The following ANAPC5 variants were observed in gnomAD, a reference collection of about 807,000 sequenced individuals.
ANAPC5 encodes anaphase-promoting complex subunit 5.
Under a neutral mutation model 91.3 loss-of-function variants are expected in ANAPC5, and 60 were observed. That is an observed-to-expected ratio of 0.66 (90% CI 0.53 to 0.81). The LOEUF is 0.81. Among genes scored for constraint, ANAPC5 ranks in the 40% least tolerant of loss-of-function variants. The pLI is 0.00. For synonymous variants in ANAPC5, 340 were observed against 364.1 expected, an observed-to-expected ratio of 0.93 and a Z score of 0.75; for missense variants, 690 against 931.5, an observed-to-expected ratio of 0.74 and a Z score of 3.37.
chr12:121,323,839 G>A (rs1285107815), intron 11 of ANAPC5, among the ~76,000 whole-genome samples: 1 of 152,152 alleles, frequency 6.6e-6, no homozygotes, highest in East Asian at 1.9e-4. Flanking sequence ...TTTCATGACC[G>A]CCACAGGGAG....
intron 1 of ANAPC5, 139 bp downstream of exon 1, chr12:121,351,995 G>T: frequency 1.3e-6 from 1 of 795,272 alleles, no homozygotes; most frequent in Non-Finnish European, 1.9e-6. Context: ...ACCGGTAGTA[G>T]CTATCTTTAT....
intron 7 of ANAPC5, chr12:121,334,706 C>T (rs565697059): frequency 1.3e-5 from 2 of 152,298 alleles, no homozygotes; most frequent in Admixed American, 6.5e-5. Flanking sequence ...CTGAATTCTA[C>T]CTGAAAGCAA....
At chr12:121,317,394 C>T (rs1396969083) in intron 15 of ANAPC5, among the ~76,000 whole-genome samples, 6 of 151,818 alleles carry the variant, frequency 4.0e-5, no homozygotes, top group Non-Finnish European at 8.8e-5. Flanking sequence ...GCTGGGATTA[C>T]AGGCACGTGC....
chr12:121,335,770 T>C (rs1555273409), intron 6 of ANAPC5, 47 bp from the exon 7 acceptor site: 6 of 1,503,858 alleles, frequency 4.0e-6, no homozygotes, highest in Non-Finnish European at 5.5e-6. Flanking sequence ...TAAATATCTC[T>C]GGTGTAAGAC....
intron 9 of ANAPC5, 107 bp from the exon 10 acceptor site, chr12:121,328,604 C>G (rs1902908539): frequency 9.6e-7 from 1 of 1,038,486 alleles, no homozygotes; most frequent in Non-Finnish European, 1.4e-6. Flanking sequence ...TGCACAGTGA[C>G]AGCACTATTT....
chr12:121,326,110 G>A (rs188383048), intron 11 of ANAPC5, among the ~76,000 whole-genome samples: 20 of 152,294 alleles, frequency 1.3e-4, no homozygotes, highest in African/African-American at 3.6e-4. Context: ...CAAAGGCGCC[G>A]TGGAACCCAT....
At chr12:121,323,490 C>A (rs1902698295) in intron 11 of ANAPC5, among the ~76,000 whole-genome samples, 1 of 152,036 alleles carries the variant, frequency 6.6e-6, no homozygotes, top group Non-Finnish European at 1.5e-5. Context: ...ACACACCACA[C>A]CCAGCTAATT....
intron 13 of ANAPC5, among the ~76,000 whole-genome samples, chr12:121,318,839 G>T (rs2686359): frequency 0.28 from 41,801 of 151,720 alleles, 10,258 homozygotes; most frequent in African/African-American, 0.66. Flanking sequence ...GCCAACATGG[G>T]GAAACCCTGC....
intron 3 of ANAPC5, chr12:121,346,628 C>T: frequency 3.3e-6 from 1 of 304,314 alleles, no homozygotes; most frequent in Non-Finnish European, 6.0e-6. Context: ...GCAAGTGATC[C>T]AGAGGACTGT....
Position 121,352,365 on chromosome 12 carries a change from CCCGCGG to C in ANAPC5, c.-31_-26del. ...TGGCGGCCCGAGACTAAGTCTCGGG[CCCGCGG>C]CGCGCTGCCGCCAGTTGTCACCACA... On this transcript the variant is annotated 5_prime_UTR_variant, in exon 1 of 17. Coordinates refer to ENST00000261819, the MANE Select transcript of ANAPC5 (RefSeq NM_016237.5). 1 of 1,570,772 alleles carries C rather than the reference CCCGCGG, an allele frequency of 6.4e-7. No individual in the cohort carries two copies. The highest frequency in any genetic ancestry group is 1.7e-4 in the Middle Eastern group (1 of 5,854).
At chr12:121,343,411 G>A (rs1384070373) in intron 4 of ANAPC5, among the ~76,000 whole-genome samples, 1 of 152,170 alleles carries the variant, frequency 6.6e-6, no homozygotes, top group African/African-American at 2.4e-5. Flanking sequence ...ACCCTCTGGG[G>A]AAGGGGTATG....
intron 5 of ANAPC5, among the ~76,000 whole-genome samples, chr12:121,338,523 A>T (rs1395538807): frequency 6.6e-6 from 1 of 152,078 alleles, no homozygotes; most frequent in Non-Finnish European, 1.5e-5. Flanking sequence ...CGGGAGGCAG[A>T]GATTACAGTG....
intron 5 of ANAPC5, among the ~76,000 whole-genome samples, chr12:121,341,402 A>G (rs150336422): frequency 3.3e-5 from 5 of 152,256 alleles, no homozygotes; most frequent in Non-Finnish European, 7.4e-5. Flanking sequence ...CCCAGGAGGC[A>G]GAGGTAGCAG....
At chr12:121,317,253 CT>C (rs763895505) in intron 15 of ANAPC5, among the ~76,000 whole-genome samples, 8,814 of 140,830 alleles carry the variant, frequency 0.063, 227 homozygotes, top group South Asian at 0.081. Flanking sequence ...GTGTTACATA[CT>C]TTTTTTTTTT....
intron 9 of ANAPC5, chr12:121,328,946 G>A (rs1902923932): frequency 6.5e-6 from 1 of 153,058 alleles, no homozygotes; most frequent in Admixed American, 6.5e-5. Flanking sequence ...TGCCTATCAT[G>A]AGCAACAAAA....
chr12:121,328,212 T>C, intron 10 of ANAPC5, 104 bp downstream of exon 10: 1 of 1,027,112 alleles, frequency 9.7e-7, no homozygotes, highest in Non-Finnish European at 1.4e-6. Context: ...ACAACATCTA[T>C]CCAAGGCAGG....
intron 5 of ANAPC5, among the ~76,000 whole-genome samples, chr12:121,339,472 T>A (rs1466170654): frequency 2.0e-5 from 3 of 152,242 alleles, no homozygotes; most frequent in Admixed American, 6.5e-5. Flanking sequence ...TTTAATTTTT[T>A]AATTTTATTT....
At position 121,308,527 on chromosome 12, in the gene ANAPC5, G is replaced by A. The variant is rs762080042; in HGVS notation, c.2221C>T (p.His741Tyr). The change falls in exon 17 of 17, where the codon CAT becomes TAT. Residue 741 changes from histidine (H) to tyrosine (Y), a missense_variant. Around this residue, in one of 5 missense-constraint regions of ANAPC5, gnomAD observed 317 missense variants for 438.7 expected, o/e 0.72. Transcript: ENST00000261819. Reference protein sequence around the residue: ...NRCAMLFRQLHQELPSHGVPL... With the variant: ...NRCAMLFRQLYQELPSHGVPL... Reference sequence around the variant, plus strand: ...ACCCCATGAGAGGGCAGCTCCTGATGCAGCTGCCGGAAGAGCATCGCACAC... The same window carrying A: ...ACCCCATGAGAGGGCAGCTCCTGATACAGCTGCCGGAAGAGCATCGCACAC... The A allele has an allele frequency of 9.9e-6, 16 of 1,614,048 alleles. No individual in the cohort carries two copies. Among genetic ancestry groups the A allele is most frequent in the African/African-American group, 1.3e-5 (1 of 74,938 alleles).
At chr12:121,340,692 A>T (rs951027379) in intron 5 of ANAPC5, among the ~76,000 whole-genome samples, 7 of 151,420 alleles carry the variant, frequency 4.6e-5, no homozygotes, top group Non-Finnish European at 1.0e-4. Flanking sequence ...AGCTGGGATT[A>T]CAGACGGGCA....
Sources: allele counts gnomAD v4.1 joint callset (sites outside exome capture counted in the v4.1 genomes callset), GRCh38; gene constraint gnomAD v4.1.1; regional missense constraint gnomAD v4.1.1; transcripts MANE v1.5; gene names NCBI Gene and HGNC (gene_info 2026-07-23, HGNC 2026-07-21).